The following UPF2 variants were observed in gnomAD, a reference collection of about 807,000 sequenced individuals.
UPF2 encodes the protein regulator of nonsense transcripts 2.
UPF2 carries 17 observed loss-of-function variants against 141.4 expected under a neutral mutation model. The observed-to-expected ratio is 0.12, with a 90% CI of 0.08 to 0.18. The LOEUF (loss-of-function observed/expected upper bound fraction) is 0.18. UPF2 is among the 10% of genes least tolerant of loss of function. UPF2 has a pLI of 1.00. For synonymous variants in UPF2, 540 were observed against 498.0 expected, an observed-to-expected ratio of 1.08 and a Z score of -1.12; for missense variants, 1,152 against 1,515.9, an observed-to-expected ratio of 0.76 and a Z score of 3.99.
chr10:11,938,126 C>T (rs1832877378), intron 18 of UPF2, among the ~76,000 whole-genome samples: 1 of 151,992 alleles, frequency 6.6e-6, no homozygotes, highest in Non-Finnish European at 1.5e-5. Context: ...TGGATTTTTT[C>T]TTGCATATAC....
rs188513906 is a variant in UPF2 at position 12,042,604 on chromosome 10, G to A, written c.-19+151C>T. 5.1e-3 allele frequency among the ~76,000 whole-genome samples: 772 copies of A among 152,218 alleles called. 13 individuals carry two copies. Among genetic ancestry groups the A allele is most frequent in the African/African-American group, 0.018 (735 of 41,530 alleles). ...GTCTGAGGAGAACGACGCCGGACCC[G>A]CGGTCCCTCCACTGCTCGCCGACCC... On this transcript the variant is annotated intron_variant, in intron 1 of 21. Coordinates refer to ENST00000357604, the MANE Select transcript of UPF2 (RefSeq NM_015542.4). The surrounding 1 kb of genome is among the most constrained non-coding windows in gnomAD (Gnocchi z 5.5).
At chr10:11,973,177 GTCT>G (rs1204555531) in intron 9 of UPF2, among the ~76,000 whole-genome samples, 1 of 152,180 alleles carries the variant, frequency 6.6e-6, no homozygotes, top group Non-Finnish European at 1.5e-5. Flanking sequence ...CTGCATAAAT[GTCT>G]TCTTTTGAGA....
rs557446387 is a variant in UPF2, at chr10:12,007,090, T to C, written c.1307-2363A>G. Among the ~76,000 whole-genome samples the C allele has an allele frequency of 2.6e-5, 4 of 152,298 alleles. No individual in the cohort carries two copies. In the South Asian group the frequency reaches 8.3e-4, roughly 32 times the overall value. On this transcript the variant is annotated intron_variant, in intron 4 of 21. Transcript: ENST00000357604. ...TCTAGGGTATTTTGTTACAGCAGCC[T>C]GAAAAGACTAAGACAACTATGTAAT...
chr10:11,988,755 G>A (rs1833735159), intron 8 of UPF2, among the ~76,000 whole-genome samples: 1 of 152,162 alleles, frequency 6.6e-6, no homozygotes, highest in South Asian at 2.1e-4. Flanking sequence ...AAGACTCAAA[G>A]TAACTTGCTA....
intron 2 of UPF2, among the ~76,000 whole-genome samples, chr10:12,031,237 A>G (rs1166959367): frequency 6.6e-6 from 1 of 152,026 alleles, no homozygotes; most frequent in African/African-American, 2.4e-5. Context: ...TCCTCAGCAC[A>G]TTAGCCAAAC....
At chr10:11,961,814 C>G (rs1260339233) in intron 11 of UPF2, among the ~76,000 whole-genome samples, 1 of 152,178 alleles carries the variant, frequency 6.6e-6, no homozygotes, top group Non-Finnish European at 1.5e-5. Context: ...GCTTTTCTAT[C>G]TGTGCGAAAT....
At chr10:12,024,778 T>TA (rs924093139) in intron 3 of UPF2, among the ~76,000 whole-genome samples, 2 of 150,724 alleles carry the variant, frequency 1.3e-5, no homozygotes, top group Non-Finnish European at 3.0e-5. Flanking sequence ...TAAAAAAATT[T>TA]AAAAAATAAC....
At chr10:11,964,487 C>T (rs1395776125) in intron 10 of UPF2, among the ~76,000 whole-genome samples, 3 of 152,100 alleles carry the variant, frequency 2.0e-5, no homozygotes, top group Non-Finnish European at 4.4e-5. Flanking sequence ...GTATTATTTG[C>T]TCATTATATG....
At chr10:11,972,455 C>T (rs1338009551) in intron 9 of UPF2, among the ~76,000 whole-genome samples, 17 of 152,118 alleles carry the variant, frequency 1.1e-4, no homozygotes, top group Admixed American at 1.0e-3. Flanking sequence ...CATAGGTATA[C>T]ATGTGCCATG....
At chr10:11,999,451 T>A (rs2131263622) in intron 7 of UPF2, among the ~76,000 whole-genome samples, 1 of 143,950 alleles carries the variant, frequency 6.9e-6, no homozygotes, top group East Asian at 2.0e-4. Flanking sequence ...AGGTGGAGGT[T>A]GCAGTGAGCC....
Position 11,929,977 on chromosome 10 carries a change from G to T in UPF2, c.3697C>A (p.Gln1233Lys). ...QEQEDYQEML[Q>K]SLAQRPAPAN... The stretch of plus-strand genomic sequence containing the variant: ...GGAGCTGGGCGCTGTGCAAGAGACT[G>T]CAACATTTCTGTAATTAGGAGCAAA... Residue 1233 changes from glutamine to lysine, a missense_variant, in exon 21 of 22, where the codon CAG becomes AAG. By Grantham distance (53) the Gln-to-Lys change is moderately conservative (BLOSUM62 1). Around this residue, in one of 4 missense-constraint regions of UPF2, gnomAD observed 66 missense variants for 123.5 expected, o/e 0.53. Coordinates refer to ENST00000357604, the MANE Select transcript of UPF2 (RefSeq NM_015542.4). 1 of 1,614,140 alleles carries T rather than the reference G, an allele frequency of 6.2e-7. No individual in the cohort carries two copies. The highest frequency in any genetic ancestry group is 8.5e-7 in the Non-Finnish European group (1 of 1,180,008).
intron 8 of UPF2, among the ~76,000 whole-genome samples, chr10:11,985,098 G>T (rs1287985824): frequency 6.6e-6 from 1 of 152,178 alleles, no homozygotes; most frequent in Non-Finnish European, 1.5e-5. Flanking sequence ...AATGCTTTCA[G>T]CTTTAATAGG....
intron 19 of UPF2, among the ~76,000 whole-genome samples, chr10:11,933,447 T>C (rs1832805559): frequency 6.6e-6 from 1 of 152,218 alleles, no homozygotes; most frequent in African/African-American, 2.4e-5. Flanking sequence ...TCATTTCATG[T>C]CTGCTAATAT....
At position 12,035,259 on chromosome 10, in the gene UPF2, G is replaced by A; in HGVS notation, c.165C>T (p.Asp55=). 5.6e-6 allele frequency: 9 copies of A among 1,612,158 alleles called. No individual in the cohort carries two copies. Among genetic ancestry groups the A allele is most frequent in the Non-Finnish European group, 7.6e-6 (9 of 1,179,668 alleles). Residue 55 remains aspartate, a synonymous_variant, in exon 2 of 22, where the codon GAC becomes GAT. Coordinates refer to ENST00000357604, the MANE Select transcript of UPF2 (RefSeq NM_015542.4). ...TATCATCTTCCAGTCTCTTCTTCTT[G>A]TCTTCAGGGGCCTTGCTGACCTCCT... ...AKKEVSKAPE[D]KKKRLEDDKR...
intron 12 of UPF2, among the ~76,000 whole-genome samples, chr10:11,958,206 A>T (rs1364897002): frequency 1.3e-5 from 2 of 152,200 alleles, no homozygotes; most frequent in Admixed American, 6.5e-5. Flanking sequence ...AAATTTTTTT[A>T]AAAAGTTAGC....
chr10:11,970,938 C>T (rs10906039), intron 9 of UPF2, among the ~76,000 whole-genome samples: 9,794 of 151,686 alleles, frequency 0.065, 561 homozygotes, highest in East Asian at 0.24. Flanking sequence ...GATGCATATC[C>T]TCTTCATCAT....
chr10:11,926,632 G>A (rs1346072362), intron 21 of UPF2, among the ~76,000 whole-genome samples: 2 of 152,260 alleles, frequency 1.3e-5, no homozygotes, highest in African/African-American at 4.8e-5. Flanking sequence ...ATGAGGCCAA[G>A]AGATGGCAGG....
At chr10:11,938,875 TTTTTTTTG>T (rs1366100486) in intron 18 of UPF2, among the ~76,000 whole-genome samples, 53 of 109,646 alleles carry the variant, frequency 4.8e-4, no homozygotes, top group Admixed American at 2.0e-3. Flanking sequence ...TTTTTTTTTT[TTTTTTTTG>T]GAGACGGAGT....
intron 1 of UPF2, among the ~76,000 whole-genome samples, chr10:12,036,587 G>A (rs1385716975): frequency 6.6e-6 from 1 of 152,024 alleles, no homozygotes; most frequent in African/African-American, 2.4e-5. Context: ...AGTAACTGTG[G>A]AACAAAAAAC....
Sources: gnomAD v4.1 joint callset for allele counts (sites outside exome capture counted in the v4.1 genomes callset) on GRCh38, gnomAD v4.1.1 for gene constraint, gnomAD v4.1.1 regional missense constraint, Gnocchi (gnomAD v3.1) non-coding constraint, MANE v1.5 for transcripts, NCBI Gene and HGNC (gene_info 2026-07-23, HGNC 2026-07-21) for gene names.